Variants in TRAPPC9 observed in about 807,000 individuals in gnomAD.
TRAPPC9 encodes IKK2 binding protein.
In TRAPPC9, 83 loss-of-function variants were observed where a neutral mutation model predicts 124.0. The ratio of observed to expected loss-of-function variants is 0.67; its 90% CI spans 0.56 to 0.80. The LOEUF is 0.80. Among genes scored for constraint, TRAPPC9 ranks in the 30% least tolerant of loss-of-function variants. The probability of loss-of-function intolerance (pLI) is 0.00; values close to 1 mark genes in which losing one functional copy is unlikely to be tolerated. For missense variants in TRAPPC9, 1,302 were observed against 1,508.3 expected, an observed-to-expected ratio of 0.86 and a Z score of 2.27; for synonymous variants, 638 against 617.5, an observed-to-expected ratio of 1.03 and a Z score of -0.49.
intron 21 of TRAPPC9, among the ~76,000 whole-genome samples, chr8:139,773,996 G>A (rs576869719): frequency 6.6e-6 from 1 of 152,334 alleles, no homozygotes; most frequent in South Asian, 2.1e-4. Flanking sequence ...GGCCGGCTGC[G>A]AGGGGAGAGA....
intron 9 of TRAPPC9, among the ~76,000 whole-genome samples, chr8:140,329,349 A>G (rs2066833350): frequency 6.6e-6 from 1 of 152,192 alleles, no homozygotes; most frequent in Non-Finnish European, 1.5e-5. Context: ...ACCTTCAAAA[A>G]AACTTTCATC....
At position 140,216,504 on chromosome 8, in the gene TRAPPC9, T is replaced by C. The variant is rs771014941; in HGVS notation, c.2556+4955A>G. Among the ~76,000 whole-genome samples the C allele has an allele frequency of 4.6e-5, 7 of 152,136 alleles. No individual in the cohort carries two copies. The highest frequency in any genetic ancestry group is 1.0e-4 in the Non-Finnish European group (7 of 68,020). On this transcript the variant is annotated intron_variant, in intron 17 of 22. Transcript: ENST00000438773. The surrounding 1 kb of genome is among the most constrained non-coding windows in gnomAD (Gnocchi z 4.1). Reference sequence around the variant, plus strand: ...AAAATCCTCTTCTTGTCTAACAGAGTACCTCAAATGTGAGAGATGCCCCCC... The same window carrying C: ...AAAATCCTCTTCTTGTCTAACAGAGCACCTCAAATGTGAGAGATGCCCCCC...
chr8:139,755,406 A>G (rs1235609560), intron 21 of TRAPPC9, among the ~76,000 whole-genome samples: 8 of 131,058 alleles, frequency 6.1e-5, no homozygotes, highest in Admixed American at 1.6e-4. Context: ...AGGTCGCAGG[A>G]AGAGCCAGGG....
At chr8:140,290,759 T>C (rs772765888) in intron 12 of TRAPPC9, among the ~76,000 whole-genome samples, 6 of 152,246 alleles carry the variant, frequency 3.9e-5, no homozygotes, top group Non-Finnish European at 7.3e-5. Context: ...AAGCTCGGCA[T>C]GTGTTCAAAT....
chr8:140,300,294 T>C (rs1246285647), intron 11 of TRAPPC9, among the ~76,000 whole-genome samples, 175 bp downstream of exon 11: 9 of 142,442 alleles, frequency 6.3e-5, no homozygotes, highest in Admixed American at 5.4e-4. Flanking sequence ...CACATACATA[T>C]GCATGCATGC....
At chr8:140,159,882 G>A (rs1563807000) in intron 17 of TRAPPC9, among the ~76,000 whole-genome samples, 1 of 152,162 alleles carries the variant, frequency 6.6e-6, no homozygotes, top group East Asian at 1.9e-4. Flanking sequence ...ATAGTCTGCG[G>A]CCCCTGTTTT....
chr8:140,273,471 C>T (rs1420664327), intron 15 of TRAPPC9, among the ~76,000 whole-genome samples: 2 of 152,188 alleles, frequency 1.3e-5, no homozygotes, highest in African/African-American at 4.8e-5. Flanking sequence ...TAGAGACAGG[C>T]CGCCCGTGTT....
intron 4 of TRAPPC9, among the ~76,000 whole-genome samples, chr8:140,427,277 T>C (rs1048282178): frequency 2.0e-5 from 3 of 151,994 alleles, no homozygotes; most frequent in African/African-American, 7.3e-5. Context: ...TTTGTGCAAA[T>C]GTATGTCAGC....
chr8:139,880,668 G>A (rs1049847476), intron 21 of TRAPPC9, among the ~76,000 whole-genome samples: 1 of 152,154 alleles, frequency 6.6e-6, no homozygotes, highest in Non-Finnish European at 1.5e-5. Flanking sequence ...TCCCTAAAAA[G>A]GTTCATAGCC....
chr8:139,913,428 C>A (rs570285228), intron 19 of TRAPPC9, among the ~76,000 whole-genome samples: 2 of 152,356 alleles, frequency 1.3e-5, no homozygotes, highest in South Asian at 4.1e-4. Flanking sequence ...TAGCAAGCCT[C>A]GCTCAGAGCC....
chr8:139,946,887 T>C (rs1045557117), intron 19 of TRAPPC9, among the ~76,000 whole-genome samples: 15 of 151,714 alleles, frequency 9.9e-5, no homozygotes, highest in African/African-American at 3.6e-4. Flanking sequence ...CTCGGGAGGC[T>C]GAGGCAGGAG....
At chr8:140,376,617 G>A (rs986708956) in intron 7 of TRAPPC9, among the ~76,000 whole-genome samples, 10 of 147,238 alleles carry the variant, frequency 6.8e-5, no homozygotes, top group South Asian at 4.4e-4. Flanking sequence ...GGCTCATGCC[G>A]ATAATCTCAG....
At chr8:140,330,899 A>G in intron 9 of TRAPPC9, among the ~76,000 whole-genome samples, 1 of 152,192 alleles carries the variant, frequency 6.6e-6, no homozygotes, top group East Asian at 1.9e-4. Context: ...TGCAAAGAAA[A>G]CACAGATATC....
At chr8:140,404,812 GTGTA>G (rs2069422081) in intron 6 of TRAPPC9, among the ~76,000 whole-genome samples, 1 of 151,532 alleles carries the variant, frequency 6.6e-6, no homozygotes, top group South Asian at 2.1e-4. Context: ...GTGAACATGT[GTGTA>G]TGTGCATGTG....
chr8:140,449,628 C>T (rs7819876), intron 2 of TRAPPC9, among the ~76,000 whole-genome samples: 1 of 152,060 alleles, frequency 6.6e-6, no homozygotes, highest in Admixed American at 6.5e-5. Context: ...CATTTGTATA[C>T]GGTAGCTGTT....
Position 139,804,001 on chromosome 8 carries a change from C to T in TRAPPC9, c.3056-71799G>A, listed in dbSNP as rs1489085587. Among the ~76,000 whole-genome samples, 5 of 152,000 alleles carry T rather than the reference C, an allele frequency of 3.3e-5. No individual in the cohort carries two copies. In the East Asian group the frequency reaches 9.6e-4, roughly 29 times the overall value. The stretch of plus-strand genomic sequence containing the variant: ...TCAAGTCTGCAAACAACACAACAAC[C>T]ACTGCTCTCACAGCACCACCACCAC... On this transcript the variant is annotated intron_variant, in intron 21 of 22. Coordinates refer to ENST00000438773, the MANE Select transcript of TRAPPC9 (RefSeq NM_001160372.4).
rs1359559045 is a variant in TRAPPC9, at chr8:140,353,473, G to A, written c.1495+6577C>T. ...TGGTTGAACCTTACTCGCTCACCTG[G>A]GGCTTTTGATCCCAGTCCCTGAAAC... On this transcript the variant is annotated intron_variant, in intron 9 of 22. Coordinates refer to ENST00000438773, the MANE Select transcript of TRAPPC9 (RefSeq NM_001160372.4). This position sits in a 1 kb window ranked among gnomAD's most constrained non-coding sequence, Gnocchi z 4.2. 2.6e-5 allele frequency among the ~76,000 whole-genome samples: 4 copies of A among 152,162 alleles called. No homozygotes were observed. The highest frequency in any genetic ancestry group is 3.2e-3 in the Middle Eastern group (1 of 316).
chr8:140,423,229 G>A (rs1465573940), intron 5 of TRAPPC9, among the ~76,000 whole-genome samples: 3 of 152,038 alleles, frequency 2.0e-5, no homozygotes, highest in Non-Finnish European at 2.9e-5. Flanking sequence ...CTGAGGTCAG[G>A]AGTTCAGGAC....
chr8:140,443,153 A>AAAAAAACAAAG, intron 2 of TRAPPC9, among the ~76,000 whole-genome samples: 1 of 125,726 alleles, frequency 8.0e-6, no homozygotes, highest in Non-Finnish European at 1.6e-5. Context: ...AAAAAAAAAA[A>AAAAAAACAAAG]AGCCAGGCGC....
Sources: gnomAD v4.1 joint callset for allele counts (sites outside exome capture counted in the v4.1 genomes callset) on GRCh38, gnomAD v4.1.1 for gene constraint, Gnocchi (gnomAD v3.1) non-coding constraint, MANE v1.5 for transcripts, NCBI Gene and HGNC (gene_info 2026-07-23, HGNC 2026-07-21) for gene names.